The following ADAMTS2 variants were observed in gnomAD, a reference collection of about 807,000 sequenced individuals.
The protein encoded by ADAMTS2 is ADAM metallopeptidase with thrombospondin type 1 motif 2, also known as A disintegrin and metalloproteinase with thrombospondin motifs 2.
In ADAMTS2, 50 loss-of-function variants were observed where a neutral mutation model predicts 123.0. That is an observed-to-expected ratio of 0.41 (90% CI 0.32 to 0.51). The LOEUF (loss-of-function observed/expected upper bound fraction) is 0.51. Among genes scored for constraint, ADAMTS2 ranks in the 20% least tolerant of loss-of-function variants. ADAMTS2 has a pLI of 0.35. For synonymous variants in ADAMTS2, 678 were observed against 695.4 expected, an observed-to-expected ratio of 0.98 and a Z score of 0.39; for missense variants, 1,494 against 1,705.2, an observed-to-expected ratio of 0.88 and a Z score of 2.18.
chr5:179,327,051 C>T (rs1757337324), intron 2 of ADAMTS2, among the ~76,000 whole-genome samples: 1 of 152,188 alleles, frequency 6.6e-6, no homozygotes, highest in East Asian at 1.9e-4. Flanking sequence ...TGGGACCCTT[C>T]TAGAGGGTTC....
intron 4 of ADAMTS2, among the ~76,000 whole-genome samples, chr5:179,191,359 T>C (rs890157489): frequency 6.6e-6 from 1 of 152,090 alleles, no homozygotes; most frequent in African/African-American, 2.4e-5. Flanking sequence ...CCAGGGCTCG[T>C]GCCACCCCCG....
At chr5:179,316,075 G>A (rs1458379564) in intron 2 of ADAMTS2, among the ~76,000 whole-genome samples, 2 of 152,162 alleles carry the variant, frequency 1.3e-5, no homozygotes, top group African/African-American at 4.8e-5. Context: ...CAAAGACAAA[G>A]AGAAAGTTCA....
At position 179,197,147 on chromosome 5, in the gene ADAMTS2, C is replaced by G. The variant is rs1044453081; in HGVS notation, c.891+10366G>C. 6.6e-6 allele frequency among the ~76,000 whole-genome samples: 1 copy of G among 152,226 alleles called. No homozygotes were observed. The highest frequency in any genetic ancestry group is 2.4e-5 in the African/African-American group (1 of 41,464). On this transcript the variant is annotated intron_variant, in intron 4 of 21. Transcript: ENST00000251582. The surrounding 1 kb of genome is among the most constrained non-coding windows in gnomAD (Gnocchi z 4.2). ...CTGGCAGGCCTGAGAGTACGTGTTC[C>G]TGGTAGCAATAGGTTGAGCGCTGGC...
At position 179,279,311 on chromosome 5, in the gene ADAMTS2, G is replaced by A. The variant is rs142597409; in HGVS notation, c.535-6247C>T. Among the ~76,000 whole-genome samples the A allele has an allele frequency of 6.0e-5, 9 of 151,232 alleles. No homozygotes were observed. In the East Asian group the frequency reaches 1.7e-3, roughly 29 times the overall value. On this transcript the variant is annotated intron_variant, in intron 2 of 21. Transcript: ENST00000251582. ...AGGGACAAGGCTGCAAGTCCCTGTT[G>A]CCCTCAAACTCACCTCCCTCCGAAA...
At chr5:179,269,229 C>G (rs1027851980) in intron 3 of ADAMTS2, among the ~76,000 whole-genome samples, 9 of 152,202 alleles carry the variant, frequency 5.9e-5, no homozygotes, top group African/African-American at 1.7e-4. Context: ...GAGCACAGCC[C>G]TGTCCACCCT....
Position 179,314,556 on chromosome 5 carries a change from G to A in ADAMTS2, c.534+29211C>T, listed in dbSNP as rs1014166892. On this transcript the variant is annotated intron_variant, in intron 2 of 21. Coordinates refer to ENST00000251582, the MANE Select transcript of ADAMTS2 (RefSeq NM_014244.5). The surrounding 1 kb of genome is among the most constrained non-coding windows in gnomAD (Gnocchi z 4.5). ...AGCGCTCCTGCCTCTGCAGCCCCCC[G>A]GGCCGTGTCTCTCTCTCACGGGCCC... Among the ~76,000 whole-genome samples the A allele has an allele frequency of 3.9e-5, 6 of 152,168 alleles. No individual in the cohort carries two copies. Among genetic ancestry groups the A allele is most frequent in the Non-Finnish European group, 7.4e-5 (5 of 68,018 alleles).
At chr5:179,223,540 T>TGCACTCACA (rs1380265868) in intron 3 of ADAMTS2, among the ~76,000 whole-genome samples, 1 of 36,488 alleles carries the variant, frequency 2.7e-5, no homozygotes, top group Admixed American at 3.9e-4. Context: ...GCACTCACAC[T>TGCACTCACA]CACACGAATG....
At chr5:179,322,652 C>G (rs1035239129) in intron 2 of ADAMTS2, among the ~76,000 whole-genome samples, 2 of 152,198 alleles carry the variant, frequency 1.3e-5, no homozygotes, top group African/African-American at 4.8e-5. Context: ...ATATAAGAAC[C>G]AGGACTGAAG....
chr5:179,179,834 G>A (rs1402164495), intron 5 of ADAMTS2, among the ~76,000 whole-genome samples: 1 of 152,162 alleles, frequency 6.6e-6, no homozygotes, highest in East Asian at 1.9e-4. Context: ...TGCCTTATAA[G>A]TTGTATGCAG....
chr5:179,121,768 GGGCTGCGGCCGCAGGGCACCA>G lies in ADAMTS2; in HGVS notation c.3089-39_3089-19del, dbSNP rs1406924728. The stretch of plus-strand genomic sequence containing the variant: ...GATGTTTCCTAGAGGGAGGAGAGAG[GGGCTGCGGCCGCAGGGCACCA>G]GGCTGGGGCCCCCACCCCAGGCAGA... On this transcript the variant is annotated intron_variant, in intron 20 of 21. Transcript: ENST00000251582. 6.6e-7 allele frequency: 1 copy of G among 1,522,816 alleles called. No homozygotes were observed. The highest frequency in any genetic ancestry group is 8.9e-7 in the Non-Finnish European group (1 of 1,126,980). 94.3% of individuals were successfully genotyped at this position (1,522,816 alleles called of 1,614,324 possible).
At position 179,160,302 on chromosome 5, in the gene ADAMTS2, T is replaced by C. The variant is rs1763570025; in HGVS notation, c.976-1423A>G. Among the ~76,000 whole-genome samples the C allele has an allele frequency of 2.0e-5, 3 of 152,090 alleles. No individual in the cohort carries two copies. In the South Asian group the frequency reaches 6.2e-4, roughly 32 times the overall value. ...GGTGAAACCCTGTCTCTACTAAAAATGCAAAACTTAGTCTGGCTTGGTGGC... is the reference window on the plus strand; with the variant it reads ...GGTGAAACCCTGTCTCTACTAAAAACGCAAAACTTAGTCTGGCTTGGTGGC... On this transcript the variant is annotated intron_variant, in intron 5 of 21. Coordinates refer to ENST00000251582, the MANE Select transcript of ADAMTS2 (RefSeq NM_014244.5).
intron 4 of ADAMTS2, among the ~76,000 whole-genome samples, chr5:179,200,244 C>CTTTTTTTT (rs1051856642): frequency 2.9e-5 from 3 of 103,692 alleles, no homozygotes; most frequent in East Asian, 2.6e-4. Flanking sequence ...CCTTTCTTTC[C>CTTTTTTTT]TTTTTTTTTT....
intron 2 of ADAMTS2, among the ~76,000 whole-genome samples, chr5:179,276,891 TG>T (rs1766712388): frequency 6.6e-6 from 1 of 152,012 alleles, no homozygotes; most frequent in South Asian, 2.1e-4. Context: ...GGACCTAGTG[TG>T]ACAATGAGGC....
At chr5:179,293,738 C>T (rs892171438) in intron 2 of ADAMTS2, among the ~76,000 whole-genome samples, 2 of 152,002 alleles carry the variant, frequency 1.3e-5, no homozygotes, top group African/African-American at 4.8e-5. Context: ...CTCAGCCTCC[C>T]GAGTAGCTGT....
At position 179,260,553 on chromosome 5, in the gene ADAMTS2, A is replaced by G. The variant is rs1028401749; in HGVS notation, c.688+12358T>C. Among the ~76,000 whole-genome samples, 4 of 152,076 alleles carry G rather than the reference A, an allele frequency of 2.6e-5. No homozygotes were observed. Among genetic ancestry groups the G allele is most frequent in the African/African-American group, 4.8e-5 (2 of 41,384 alleles). ...CCGGGTTTTGCCAGCCCAGGCTCTG[A>G]GCGGGGACAGGAGGGCACTGCACTG... On this transcript the variant is annotated intron_variant, in intron 3 of 21. Coordinates refer to ENST00000251582, the MANE Select transcript of ADAMTS2 (RefSeq NM_014244.5). This position sits in a 1 kb window ranked among gnomAD's most constrained non-coding sequence, Gnocchi z 4.2.
rs532802447 is a variant in ADAMTS2 at position 179,117,547 on chromosome 5, C to A, written c.3179-3223G>T. 6.6e-6 allele frequency among the ~76,000 whole-genome samples: 1 copy of A among 151,678 alleles called. No homozygotes were observed. The highest frequency in any genetic ancestry group is 1.9e-4 in the East Asian group (1 of 5,170). Reference sequence around the variant, plus strand: ...AAGTTTTATTGGATCAGGCCCATGCCCATGCATTTTTTTTTTTTTTTTTGA... The same window carrying A: ...AAGTTTTATTGGATCAGGCCCATGCACATGCATTTTTTTTTTTTTTTTTGA... On this transcript the variant is annotated intron_variant, in intron 21 of 21. Transcript: ENST00000251582. The surrounding 1 kb of genome is among the most constrained non-coding windows in gnomAD (Gnocchi z 4.2).
chr5:179,205,361 G>C (rs1468178377), intron 4 of ADAMTS2, among the ~76,000 whole-genome samples: 2 of 152,228 alleles, frequency 1.3e-5, no homozygotes, highest in Non-Finnish European at 2.9e-5. Flanking sequence ...CTGAAAACGT[G>C]TTCACCCTAC....
rs1390600798 is a variant in ADAMTS2, at chr5:179,189,639, G to A, written c.892-8484C>T. ...CCCAAAGTGCTGGGATTACAGGCGT[G>A]AGCCACCGCGCCCGGCCAGGAGCAA... On this transcript the variant is annotated intron_variant, in intron 4 of 21. Transcript: ENST00000251582. The surrounding 1 kb of genome is among the most constrained non-coding windows in gnomAD (Gnocchi z 4.2). Among the ~76,000 whole-genome samples the A allele has an allele frequency of 6.7e-6, 1 of 150,322 alleles. No homozygotes were observed. The highest frequency in any genetic ancestry group is 1.5e-5 in the Non-Finnish European group (1 of 67,800).
intron 3 of ADAMTS2, among the ~76,000 whole-genome samples, 182 bp from the exon 4 acceptor site, chr5:179,207,897 C>G (rs937681752): frequency 1.3e-5 from 2 of 152,220 alleles, no homozygotes; most frequent in African/African-American, 4.8e-5. Flanking sequence ...CAAGCTGTCT[C>G]AGACACAGCA....
Sources: gnomAD v4.1 joint callset for allele counts (sites outside exome capture counted in the v4.1 genomes callset) on GRCh38, gnomAD v4.1.1 for gene constraint, Gnocchi (gnomAD v3.1) non-coding constraint, MANE v1.5 for transcripts, NCBI Gene and HGNC (gene_info 2026-07-23, HGNC 2026-07-21) for gene names.